The following MGAT4C variants were observed in gnomAD, a reference collection of about 807,000 sequenced individuals.
MGAT4C encodes MGAT4 family member C, also known as alpha-1,3-mannosyl-glycoprotein 4-beta-N-acetylglucosaminyltransferase C.
In MGAT4C, 19 loss-of-function variants were observed where a neutral mutation model predicts 40.1. That is an observed-to-expected ratio of 0.47 (90% confidence interval 0.33 to 0.70). MGAT4C has a LOEUF of 0.70. Among genes scored for constraint, MGAT4C ranks in the 30% least tolerant of loss-of-function variants. MGAT4C has a pLI of 0.02. For missense variants in MGAT4C, 491 were observed against 563.2 expected (o/e 0.87, Z 1.30); for synonymous variants, 181 against 187.1 (o/e 0.97, Z 0.27).
intron 1 of MGAT4C, among the ~76,000 whole-genome samples, chr12:86,152,467 T>G (rs890641722): frequency 2.0e-5 from 3 of 152,200 alleles, no homozygotes; most frequent in African/African-American, 7.2e-5. Context: ...CCCTGAGGAT[T>G]CTGCCCTCAT....
intron 2 of MGAT4C, among the ~76,000 whole-genome samples, chr12:86,490,081 A>G (rs914968471): frequency 7.2e-5 from 11 of 152,134 alleles, no homozygotes; most frequent in African/African-American, 2.7e-4. Context: ...AACGCCACAA[A>G]GATACTCCTC....
At chr12:86,688,359 T>C (rs944948346) in intron 2 of MGAT4C, among the ~76,000 whole-genome samples, 5 of 152,080 alleles carry the variant, frequency 3.3e-5, no homozygotes, top group Admixed American at 2.6e-4. Flanking sequence ...AAGGTCAATA[T>C]TGTTATGGGT....
At chr12:86,763,870 T>C (rs1303856041) in intron 1 of MGAT4C, among the ~76,000 whole-genome samples, 1 of 152,052 alleles carries the variant, frequency 6.6e-6, no homozygotes, top group Non-Finnish European at 1.5e-5. Context: ...AAGAATGACA[T>C]TATTAGAGGG....
At chr12:86,273,965 G>T (rs139950328) in intron 4 of MGAT4C, among the ~76,000 whole-genome samples, 1 of 152,120 alleles carries the variant, frequency 6.6e-6, no homozygotes, top group Non-Finnish European at 1.5e-5. Context: ...AGGCTTAACT[G>T]GTTGACAGTT....
intron 2 of MGAT4C, among the ~76,000 whole-genome samples, chr12:86,501,897 C>G (rs1014444264): frequency 6.6e-6 from 1 of 152,040 alleles, no homozygotes; most frequent in African/African-American, 2.4e-5. Context: ...ATTTCTAAAT[C>G]TTCGAGGAAT....
rs373695870 is a variant in MGAT4C at position 86,156,084 on chromosome 12, T to C, written c.-57+100155A>G. Among the ~76,000 whole-genome samples, 38 of 152,356 alleles carry C rather than the reference T, an allele frequency of 2.5e-4. No homozygotes were observed. In the East Asian group the frequency reaches 5.2e-3, roughly 21 times the overall value. On this transcript the variant is annotated intron_variant, in intron 1 of 4. Transcript: ENST00000611864. ...TATTATATTAATACATGCATACATGTACACATATATAAACACACATATATA... is the reference window on the plus strand; with the variant it reads ...TATTATATTAATACATGCATACATGCACACATATATAAACACACATATATA...
rs143174416 is a variant in MGAT4C, at chr12:86,213,999, T to C, written c.-57+42240A>G. 1.5e-3 allele frequency among the ~76,000 whole-genome samples: 225 copies of C among 152,358 alleles called. 5 individuals are homozygous for C. Among genetic ancestry groups the C allele is most frequent in the African/African-American group, 5.1e-3 (214 of 41,590 alleles). On this transcript the variant is annotated intron_variant, in intron 1 of 4. Coordinates refer to ENST00000611864, the MANE Select transcript of MGAT4C (RefSeq NM_001351288.2). The stretch of plus-strand genomic sequence containing the variant: ...CTTTGTAAACATACAACAGGTCTTG[T>C]TGCATCACTCTTTAAGTTATCATTG...
intron 2 of MGAT4C, among the ~76,000 whole-genome samples, chr12:86,036,708 T>C (rs1372981632): frequency 1.3e-5 from 2 of 149,742 alleles, no homozygotes; most frequent in African/African-American, 4.8e-5. Context: ...CAGTATTTTA[T>C]TGATTTTTGC....
chr12:86,559,532 T>C (rs189153398), intron 2 of MGAT4C, among the ~76,000 whole-genome samples: 11 of 151,854 alleles, frequency 7.2e-5, no homozygotes, highest in Admixed American at 7.2e-4. Flanking sequence ...ACATAGAAAT[T>C]CAACAACATG....
At chr12:86,838,401 T>A (rs1239489916) in intron 1 of MGAT4C, among the ~76,000 whole-genome samples, 1 of 152,184 alleles carries the variant, frequency 6.6e-6, no homozygotes, top group Non-Finnish European at 1.5e-5. Context: ...AGAATTAATA[T>A]GAACTTATGA....
At chr12:86,168,393 T>G (rs1886420518) in intron 1 of MGAT4C, among the ~76,000 whole-genome samples, 1 of 152,196 alleles carries the variant, frequency 6.6e-6, no homozygotes, top group Non-Finnish European at 1.5e-5. Context: ...TCAGCATTTT[T>G]TTCAGTTACC....
At chr12:86,726,257 T>C (rs1382462357) in intron 2 of MGAT4C, among the ~76,000 whole-genome samples, 1 of 152,222 alleles carries the variant, frequency 6.6e-6, no homozygotes, top group Non-Finnish European at 1.5e-5. Flanking sequence ...GTCACATGAA[T>C]ACACATTATC....
At chr12:86,800,848 T>C (rs1952212481) in intron 1 of MGAT4C, among the ~76,000 whole-genome samples, 1 of 151,900 alleles carries the variant, frequency 6.6e-6, no homozygotes. Flanking sequence ...TGGATTTCTT[T>C]ATCTATATTT....
intron 1 of MGAT4C, among the ~76,000 whole-genome samples, chr12:86,758,358 A>G (rs1951342651): frequency 6.9e-6 from 1 of 145,158 alleles, no homozygotes; most frequent in African/African-American, 2.5e-5. Context: ...TAGGGAACAT[A>G]TTTTTATGTC....
chr12:86,833,431 T>C (rs535712046), intron 1 of MGAT4C, among the ~76,000 whole-genome samples: 57 of 151,982 alleles, frequency 3.8e-4, no homozygotes, highest in African/African-American at 1.3e-3. Flanking sequence ...TTTATTTTCT[T>C]ACAATTGAAA....
At position 86,659,345 on chromosome 12, in the gene MGAT4C, A is replaced by G. The variant is rs57640531; in HGVS notation, c.-229+67864T>C. 3.0e-3 allele frequency among the ~76,000 whole-genome samples: 453 copies of G among 152,174 alleles called. 2 individuals carry two copies. Among genetic ancestry groups the G allele is most frequent in the African/African-American group, 0.01 (434 of 41,538 alleles). ...TCAAACTAAGGTGGAAATTCTCCCA[A>G]AATGCCAGAGAAGAGATACAAGCTG... On this transcript the variant is annotated intron_variant, in intron 2 of 7. Transcript: ENST00000548651.
intron 1 of MGAT4C, among the ~76,000 whole-genome samples, chr12:86,097,689 C>T (rs1244396655): frequency 6.6e-6 from 1 of 151,502 alleles, no homozygotes; most frequent in Non-Finnish European, 1.5e-5. Flanking sequence ...AAAGAAACTA[C>T]ATAGGTGTGT....
chr12:86,106,856 T>C (rs1381054091), intron 1 of MGAT4C, among the ~76,000 whole-genome samples: 1 of 152,168 alleles, frequency 6.6e-6, no homozygotes, highest in African/African-American at 2.4e-5. Flanking sequence ...TTGAAGTAGA[T>C]TGAGAATAAT....
intron 4 of MGAT4C, among the ~76,000 whole-genome samples, chr12:86,271,172 AT>A (rs1431137504): frequency 1.3e-5 from 2 of 152,216 alleles, no homozygotes; most frequent in African/African-American, 4.8e-5. Flanking sequence ...GTGGGGCTAT[AT>A]TAAACTAAAC....
Sources: gnomAD v4.1 joint callset for allele counts (sites outside exome capture counted in the v4.1 genomes callset) on GRCh38, gnomAD v4.1.1 for gene constraint, MANE v1.5 for transcripts, NCBI Gene and HGNC (gene_info 2026-07-23, HGNC 2026-07-21) for gene names.